Variants in TCF7L2 observed in about 807,000 individuals in gnomAD.
TCF7L2 encodes transcription factor 7-like 2.
TCF7L2 carries 23 observed loss-of-function variants against 77.9 expected under a neutral mutation model. The ratio of observed to expected loss-of-function variants is 0.30; its 90% CI spans 0.21 to 0.42. The LOEUF is 0.42. Among genes scored for constraint, TCF7L2 ranks in the 10% least tolerant of loss-of-function variants. TCF7L2 has a pLI of 1.00. For missense variants in TCF7L2, 654 were observed against 793.1 expected (o/e 0.82, Z 2.11); for synonymous variants, 413 against 340.2 (o/e 1.21, Z -2.36).
intron 4 of TCF7L2, among the ~76,000 whole-genome samples, chr10:112,982,842 C>T (rs1378941350): frequency 1.3e-5 from 2 of 152,100 alleles, no homozygotes; most frequent in African/African-American, 4.8e-5. Context: ...CCTGGCTGCT[C>T]TTGAACTCCT....
intron 4 of TCF7L2, among the ~76,000 whole-genome samples, chr10:112,976,773 C>G (rs1182178808): frequency 6.6e-6 from 1 of 152,172 alleles, no homozygotes; most frequent in Non-Finnish European, 1.5e-5. Flanking sequence ...TGTTCGACCA[C>G]TTTGTCAACT....
chr10:113,090,602 C>A (rs1453842133), intron 5 of TCF7L2, among the ~76,000 whole-genome samples: 2 of 152,148 alleles, frequency 1.3e-5, no homozygotes, highest in African/African-American at 4.8e-5. Context: ...ACTCTTATTA[C>A]CTATTGATAA....
At chr10:113,076,823 A>G (rs1441843417) in intron 5 of TCF7L2, among the ~76,000 whole-genome samples, 2 of 152,200 alleles carry the variant, frequency 1.3e-5, no homozygotes, top group Non-Finnish European at 2.9e-5. Context: ...TGATGTGAAA[A>G]TTATATGGAC....
intron 5 of TCF7L2, among the ~76,000 whole-genome samples, chr10:113,097,654 A>AAAAAAAAAAAAAAAAAAAAAC (rs2061168539): frequency 1.5e-5 from 2 of 129,244 alleles, no homozygotes; most frequent in African/African-American, 6.0e-5. Flanking sequence ...CGGAAAAAAA[A>AAAAAAAAAAAAAAAAAAAAAC]AAAAAAAAAA....
chr10:113,128,003 G>A (rs189825936), intron 5 of TCF7L2, among the ~76,000 whole-genome samples: 2 of 151,922 alleles, frequency 1.3e-5, no homozygotes, highest in Admixed American at 6.6e-5. Context: ...GTCCATCAGC[G>A]GCAGAGAACT....
rs928395180 is a variant in TCF7L2 at position 113,151,111 on chromosome 10, C to T, written c.989C>T (p.Ser330Leu). 1 of 1,614,156 alleles carries T rather than the reference C, an allele frequency of 6.2e-7. No individual in the cohort carries two copies. The highest frequency in any genetic ancestry group is 1.1e-5 in the South Asian group (1 of 91,082). Residue 330 changes from serine to leucine, a missense_variant, in exon 9 of 14, where the codon TCA becomes TTA. Physicochemically the swap from Ser to Leu is moderately radical, Grantham distance 145. Around this residue, in one of 6 missense-constraint regions of TCF7L2, gnomAD observed 179 missense variants for 270.6 expected, o/e 0.66. Coordinates refer to ENST00000627217, the MANE Select transcript of TCF7L2 (RefSeq NM_001146274.2). The surrounding 1 kb of genome is among the most constrained non-coding windows in gnomAD (Gnocchi z 5.2). The stretch of plus-strand genomic sequence containing the variant: ...GAATCGTCCCAGAGTGATGTCGGCT[C>T]ACTCCATAGTTCGTAAGTGTTGCTG...
intron 5 of TCF7L2, among the ~76,000 whole-genome samples, chr10:113,108,386 A>G (rs925432705): frequency 1.3e-5 from 2 of 151,986 alleles, no homozygotes; most frequent in Non-Finnish European, 2.9e-5. Flanking sequence ...GTGCTCTCCT[A>G]ACACAGGCCG....
At chr10:113,148,618 T>G (rs1335551096) in intron 8 of TCF7L2, among the ~76,000 whole-genome samples, 2 of 152,188 alleles carry the variant, frequency 1.3e-5, no homozygotes, top group Non-Finnish European at 2.9e-5. Context: ...TAGTTGTTCT[T>G]AACAAGTTAA....
chr10:113,154,042 TG>T (rs1378043411), intron 11 of TCF7L2, among the ~76,000 whole-genome samples: 1 of 152,250 alleles, frequency 6.6e-6, no homozygotes, highest in Non-Finnish European at 1.5e-5. Flanking sequence ...ACCTCTGGGA[TG>T]GCGCGTGTGC....
intron 5 of TCF7L2, among the ~76,000 whole-genome samples, chr10:113,053,302 G>T (rs1247338018): frequency 6.6e-6 from 1 of 152,174 alleles, no homozygotes; most frequent in Non-Finnish European, 1.5e-5. Flanking sequence ...GGCCAGCAGG[G>T]TTGGGCTTGG....
At chr10:112,985,540 T>C (rs1271894336) in intron 4 of TCF7L2, among the ~76,000 whole-genome samples, 4 of 152,236 alleles carry the variant, frequency 2.6e-5, no homozygotes, top group Non-Finnish European at 4.4e-5. Flanking sequence ...TCTTTTTTCA[T>C]TGTTGAGGAA....
chr10:113,056,756 A>G (rs752351374), intron 5 of TCF7L2, among the ~76,000 whole-genome samples: 28 of 152,220 alleles, frequency 1.8e-4, no homozygotes, highest in Non-Finnish European at 3.5e-4. Flanking sequence ...GGTTTTTTAC[A>G]AAGTGTACTT....
chr10:112,970,339 T>C (rs1177836129), intron 4 of TCF7L2, among the ~76,000 whole-genome samples: 1 of 151,636 alleles, frequency 6.6e-6, no homozygotes, highest in Non-Finnish European at 1.5e-5. Context: ...CCATCTGAGC[T>C]TTACCAAAGC....
chr10:113,036,894 C>A (rs994269908), intron 4 of TCF7L2, among the ~76,000 whole-genome samples: 2 of 151,812 alleles, frequency 1.3e-5, no homozygotes, highest in African/African-American at 4.8e-5. Context: ...TTTTTCCCTC[C>A]CCCAAAAGGA....
chr10:113,092,821 A>G (rs1397956623), intron 5 of TCF7L2, among the ~76,000 whole-genome samples: 2 of 152,104 alleles, frequency 1.3e-5, no homozygotes, highest in African/African-American at 4.8e-5. Context: ...CCAAGATAGC[A>G]CCACTGCTGT....
intron 4 of TCF7L2, among the ~76,000 whole-genome samples, chr10:113,033,305 C>T (rs1017037799): frequency 4.0e-5 from 6 of 151,770 alleles, no homozygotes; most frequent in Non-Finnish European, 7.4e-5. Context: ...GTTGCTCAGG[C>T]TGGAGTGCAG....
intron 5 of TCF7L2, among the ~76,000 whole-genome samples, chr10:113,087,688 G>T (rs1369517870): frequency 6.6e-6 from 1 of 152,038 alleles, no homozygotes; most frequent in Non-Finnish European, 1.5e-5. Context: ...CCCTTCCTGG[G>T]GGCAGATCTC....
chr10:113,167,625 A>G lies in TCF7L2; in HGVS notation c.*1653A>G, dbSNP rs555449578. 191 of 196,242 alleles carry G rather than the reference A, an allele frequency of 9.7e-4. No homozygotes were observed. Among genetic ancestry groups the G allele is most frequent in the Admixed American group, 2.9e-3 (47 of 16,472 alleles). The allele number at this position is 196,242 out of a possible 1,614,324, so 12.2% of individuals were successfully genotyped here. A position where few individuals can be genotyped will look rare whatever the true frequency, so the allele number is the denominator to read the frequency against. ...TGAATAAATGTTCATGCTGTACAGTATCTGTAGCATGCCGTTCTGGATTAA... is the reference window on the plus strand; with the variant it reads ...TGAATAAATGTTCATGCTGTACAGTGTCTGTAGCATGCCGTTCTGGATTAA... On this transcript the variant is annotated 3_prime_UTR_variant, in exon 14 of 14. Coordinates refer to ENST00000627217, the MANE Select transcript of TCF7L2 (RefSeq NM_001146274.2).
intron 3 of TCF7L2, among the ~76,000 whole-genome samples, chr10:112,957,573 G>A (rs976970077): frequency 6.6e-6 from 1 of 152,136 alleles, no homozygotes; most frequent in African/African-American, 2.4e-5. Context: ...TAATACAAGA[G>A]AACAAAGATT....
Sources: allele counts gnomAD v4.1 joint callset (sites outside exome capture counted in the v4.1 genomes callset), GRCh38; gene constraint gnomAD v4.1.1; regional missense constraint gnomAD v4.1.1; non-coding constraint Gnocchi (gnomAD v3.1); transcripts MANE v1.5; gene names NCBI Gene and HGNC (gene_info 2026-07-23, HGNC 2026-07-21).